The following ATL3 variants were observed in gnomAD, a reference collection of about 807,000 sequenced individuals.
ATL3 encodes the protein atlastin-3.
ATL3 carries 49 observed loss-of-function variants against 69.5 expected under a neutral mutation model. That is an observed-to-expected ratio of 0.71 (90% confidence interval 0.56 to 0.89). ATL3 has a LOEUF of 0.89. ATL3 is among the 40% of genes least tolerant of loss of function. The pLI is 0.00. For missense variants in ATL3, 606 were observed against 645.7 expected, an observed-to-expected ratio of 0.94 and a Z score of 0.67; for synonymous variants, 214 against 224.1, an observed-to-expected ratio of 0.95 and a Z score of 0.40.
chr11:63,653,540 T>G (rs1267378293), intron 3 of ATL3, among the ~76,000 whole-genome samples: 2 of 151,762 alleles, frequency 1.3e-5, no homozygotes, highest in African/African-American at 4.8e-5. Flanking sequence ...AACCAACACA[T>G]GAGTATTTAT....
chr11:63,649,887 G>A (rs908820534), intron 5 of ATL3, among the ~76,000 whole-genome samples: 4 of 152,082 alleles, frequency 2.6e-5, no homozygotes, highest in African/African-American at 9.7e-5. Flanking sequence ...TGGTATATGT[G>A]TATATATTCT....
At chr11:63,633,546 CT>C (rs1418451148) in intron 10 of ATL3, among the ~76,000 whole-genome samples, 1 of 151,826 alleles carries the variant, frequency 6.6e-6, no homozygotes. Context: ...GCTTGGCTAA[CT>C]TTTTAAGTTT....
In ATL3 at chr11:63,625,063, G is replaced by GCA. The variant is rs1939060858; in HGVS notation, c.*4254_*4255dup. 1 of 152,148 alleles carries GCA rather than the reference G, an allele frequency of 6.6e-6. No individual in the cohort carries two copies. The highest frequency in any genetic ancestry group is 1.5e-5 in the Non-Finnish European group (1 of 68,032). 9.4% of individuals were successfully genotyped at this position (152,148 alleles called of 1,614,324 possible). On this transcript the variant is annotated 3_prime_UTR_variant, in exon 13 of 13. Coordinates refer to ENST00000398868, the MANE Select transcript of ATL3 (RefSeq NM_015459.5). ...AACAAGCCTGCTAGGTAAGTCTTAT[G>GCA]CACTCCAAGGTAGATGAGAACCACT... is the stretch of plus-strand genomic sequence containing the variant.
intron 6 of ATL3, among the ~76,000 whole-genome samples, chr11:63,646,160 G>C (rs1434653080): frequency 1.3e-5 from 2 of 152,100 alleles, no homozygotes; most frequent in East Asian, 3.9e-4. Context: ...AAAGTGCTGG[G>C]ATTACAGGTG....
At chr11:63,654,700 T>A (rs1277973937) in intron 3 of ATL3, among the ~76,000 whole-genome samples, 1 of 88,744 alleles carries the variant, frequency 1.1e-5, no homozygotes, top group African/African-American at 4.0e-5. Flanking sequence ...GTCTGGCCTA[T>A]TTTTTTTTTT....
chr11:63,631,130 T>A lies in ATL3; in HGVS notation c.1449A>T (p.Ala483=), dbSNP rs1435825471. 6.2e-7 allele frequency: 1 copy of A among 1,613,738 alleles called. No individual in the cohort carries two copies. ...ACCTGATGTAGCCCCAGGTGAGGAGTGCTATTAACAGTAGTCCAACCATAC... is the reference window on the plus strand; with the variant it reads ...ACCTGATGTAGCCCCAGGTGAGGAGAGCTATTAACAGTAGTCCAACCATAC... ...FNCMVGLLLI[A]LLTWGYIRYS... The change falls in exon 12 of 13, where the codon GCA becomes GCT. Residue 483 remains alanine, a synonymous_variant. Transcript: ENST00000398868.
Position 63,631,391 on chromosome 11 carries a change from G to T in ATL3, c.1188C>A (p.Asp396Glu). Residue 396 changes from aspartate (D) to glutamate (E), a missense_variant, in exon 12 of 13, where the codon GAC (aspartate) becomes GAA (glutamate). Physicochemically the swap from Asp to Glu is conservative, Grantham distance 45. Coordinates refer to ENST00000398868, the MANE Select transcript of ATL3 (RefSeq NM_015459.5). ...KHCEFKQLAL[D>E]HFKKTKKMGG... The stretch of plus-strand genomic sequence containing the variant: ...CCATCTTCTTGGTCTTCTTAAAATG[G>T]TCCAGAGCAAGTTGTTTGAATTCAC... 8 of 1,614,086 alleles carry T rather than the reference G, an allele frequency of 5.0e-6. No individual in the cohort carries two copies. Among genetic ancestry groups the T allele is most frequent in the Non-Finnish European group, 5.1e-6 (6 of 1,180,028 alleles).
intron 5 of ATL3, among the ~76,000 whole-genome samples, chr11:63,648,704 GA>G (rs889409500): frequency 5.3e-5 from 8 of 152,174 alleles, no homozygotes; most frequent in Non-Finnish European, 1.2e-4. Context: ...AGCTTCTCAG[GA>G]GGCTGAGGCA....
intron 8 of ATL3, among the ~76,000 whole-genome samples, chr11:63,642,029 T>C (rs573837356): frequency 3.7e-4 from 56 of 152,272 alleles, no homozygotes; most frequent in Admixed American, 3.4e-3. Context: ...TTGGGAAAAG[T>C]ACAACCAATA....
intron 8 of ATL3, among the ~76,000 whole-genome samples, chr11:63,641,521 T>C (rs1483567140): frequency 6.6e-6 from 1 of 152,176 alleles, no homozygotes; most frequent in Non-Finnish European, 1.5e-5. Context: ...AAGGCGGTCA[T>C]GTGACAACAA....
intron 8 of ATL3, chr11:63,637,752 A>G (rs1303436805): frequency 4.6e-5 from 7 of 152,238 alleles, no homozygotes; most frequent in Non-Finnish European, 4.4e-5. Context: ...GCCCACATCA[A>G]ATAAGAACTC....
Position 63,627,486 on chromosome 11 carries a change from TA to T in ATL3, c.*1832del, listed in dbSNP as rs746382168. 6 of 152,212 alleles carry T rather than the reference TA, an allele frequency of 3.9e-5. No homozygotes were observed. The South Asian group carries it at 8.3e-4, about 21-fold the overall frequency. 9.4% of individuals were successfully genotyped at this position (152,212 alleles called of 1,614,324 possible). ...AAAGTGTCAAAAGAAAATTCTTTGA[TA>T]AAGAGATTACATGCGAAAAGGGACT... On this transcript the variant is annotated 3_prime_UTR_variant, in exon 13 of 13. Transcript: ENST00000398868.
chr11:63,633,965 G>A (rs949840673), intron 10 of ATL3, among the ~76,000 whole-genome samples: 2 of 147,934 alleles, frequency 1.4e-5, no homozygotes, highest in Non-Finnish European at 3.0e-5. Flanking sequence ...AACCCAGGAG[G>A]TAGAGGTTGC....
chr11:63,652,346 C>CA (rs1181193937), intron 4 of ATL3, 125 bp downstream of exon 4: 1 of 639,524 alleles, frequency 1.6e-6, no homozygotes, highest in African/African-American at 1.9e-5. Context: ...ACTGCATCTA[C>CA]AGTTTAAAAA....
At position 63,629,045 on chromosome 11, in the gene ATL3, C is replaced by T; in HGVS notation, c.*274G>A. ...TTTCCATTTTTCCTCTAGCTTCCTC[C>T]TCCATAAAGTGCACAAAGCAGAGTA... On this transcript the variant is annotated 3_prime_UTR_variant, in exon 13 of 13. Coordinates refer to ENST00000398868, the MANE Select transcript of ATL3 (RefSeq NM_015459.5). 1 of 370,664 alleles carries T rather than the reference C, an allele frequency of 2.7e-6. No homozygotes were observed. The highest frequency in any genetic ancestry group is 4.2e-5 in the East Asian group (1 of 24,028). 23.0% of individuals were successfully genotyped at this position (370,664 alleles called of 1,614,324 possible).
chr11:63,655,443 A>G lies in ATL3; in HGVS notation c.406-2868T>C, dbSNP rs373447174. On this transcript the variant is annotated intron_variant, in intron 3 of 12. Coordinates refer to ENST00000398868, the MANE Select transcript of ATL3 (RefSeq NM_015459.5). ...TGGGAATACAGGCGTGAGCCACCGC[A>G]TCTGGCCTTTTTTTTTTTTTTTAGA... Among the ~76,000 whole-genome samples, 409 of 142,876 alleles carry G rather than the reference A, an allele frequency of 2.9e-3. 4 individuals carry two copies. The highest frequency in any genetic ancestry group is 9.3e-3 in the African/African-American group (358 of 38,574). 93.7% of individuals were successfully genotyped at this position (142,876 alleles called of 152,430 possible).
chr11:63,638,574 G>A (rs964478880), intron 8 of ATL3, among the ~76,000 whole-genome samples: 12 of 151,994 alleles, frequency 7.9e-5, no homozygotes, highest in Non-Finnish European at 5.9e-5. Context: ...GCATGGTAGC[G>A]CACTCCTGTA....
chr11:63,645,556 G>GAGAGAC (rs1565275468), intron 6 of ATL3, among the ~76,000 whole-genome samples: 13 of 151,848 alleles, frequency 8.6e-5, no homozygotes, highest in African/African-American at 2.7e-4. Flanking sequence ...GAGAGAGAGA[G>GAGAGAC]AGAGAGACAG....
intron 9 of ATL3, among the ~76,000 whole-genome samples, chr11:63,635,838 C>T (rs1320758131): frequency 6.7e-6 from 1 of 149,292 alleles, no homozygotes; most frequent in Non-Finnish European, 1.5e-5. Context: ...ACGCTGGCCT[C>T]ACCACTACCT....
Sources: allele counts gnomAD v4.1 joint callset (sites outside exome capture counted in the v4.1 genomes callset), GRCh38; gene constraint gnomAD v4.1.1; transcripts MANE v1.5; gene names NCBI Gene and HGNC (gene_info 2026-07-23, HGNC 2026-07-21).